Variants in HTT observed in about 807,000 individuals in gnomAD.
HTT encodes the protein huntington disease protein.
Under a neutral mutation model 362.3 loss-of-function variants are expected in HTT, and 104 were observed. The observed-to-expected ratio is 0.29, with a 90% CI of 0.24 to 0.34. HTT has a LOEUF of 0.34. Ranked by LOEUF, HTT falls within the 10% of genes least tolerant of loss-of-function variation. The probability of loss-of-function intolerance (pLI) is 1.00; values close to 1 mark genes in which losing one functional copy is unlikely to be tolerated. For synonymous variants in HTT, 1,577 were observed against 1,548.7 expected (o/e 1.02, Z -0.43); for missense variants, 3,301 against 3,928.6 (o/e 0.84, Z 4.27).
Position 3,212,581 on chromosome 4 carries a change from C to A in HTT, c.6646C>A (p.Gln2216Lys). The change falls in exon 49 of 67, where the codon CAG (glutamine) becomes AAG (lysine). Residue 2216 changes from glutamine to lysine, a missense_variant. Gln to Lys is a moderately conservative substitution (Grantham distance 53). Transcript: ENST00000355072. The part of the protein sequence containing the change: ...NDLFGDAALY[Q>K]SLPTLARALA... ...TGTTTCAGGGGATGCTGCACTGTAT[C>A]AGTCCCTGCCCACTCTGGCCCGGGC... is the stretch of plus-strand genomic sequence containing the variant. 1 of 1,614,242 alleles carries A rather than the reference C, an allele frequency of 6.2e-7. No individual in the cohort carries two copies. The highest frequency in any genetic ancestry group is 8.5e-7 in the Non-Finnish European group (1 of 1,180,042).
intron 33 of HTT, among the ~76,000 whole-genome samples, chr4:3,176,032 T>G (rs987479090): frequency 1.4e-5 from 2 of 147,504 alleles, no homozygotes; most frequent in African/African-American, 5.3e-5. Flanking sequence ...TTTGTTTTTT[T>G]TTGTTTTTTT....
chr4:3,148,911 T>A (rs1011629110), intron 26 of HTT, among the ~76,000 whole-genome samples: 4 of 151,898 alleles, frequency 2.6e-5, no homozygotes, highest in Non-Finnish European at 1.5e-5. Flanking sequence ...AAGCCTTGAT[T>A]GTGCCGCTGC....
At chr4:3,227,273 G>T (rs375605275) in intron 57 of HTT, among the ~76,000 whole-genome samples, 11 of 142,730 alleles carry the variant, frequency 7.7e-5, no homozygotes, top group Non-Finnish European at 1.4e-4. Flanking sequence ...GGGGCTGAAG[G>T]ACAGTGCCAC....
chr4:3,142,922 TA>T, intron 23 of HTT, 36 bp downstream of exon 23: 1 of 1,593,760 alleles, frequency 6.3e-7, no homozygotes, highest in Non-Finnish European at 8.6e-7. Flanking sequence ...ACTGACATTG[TA>T]ATAGTTTTTG....
chr4:3,116,445 G>A (rs908760145), intron 8 of HTT, among the ~76,000 whole-genome samples, 182 bp downstream of exon 8: 4 of 152,134 alleles, frequency 2.6e-5, no homozygotes, highest in Admixed American at 2.0e-4. Flanking sequence ...CCCTGTCACC[G>A]TGAGTCAAAT....
At chr4:3,113,775 T>C (rs571048051) in intron 6 of HTT, among the ~76,000 whole-genome samples, 2 of 151,416 alleles carry the variant, frequency 1.3e-5, no homozygotes, top group East Asian at 1.9e-4. Context: ...GGGGGTGGGG[T>C]AGTCCTGTGG....
intron 26 of HTT, among the ~76,000 whole-genome samples, chr4:3,152,532 CTT>C (rs1290917765): frequency 6.6e-6 from 1 of 152,180 alleles, no homozygotes; most frequent in East Asian, 1.9e-4. Flanking sequence ...ACTCTGTACT[CTT>C]TACCCAAAAC....
At chr4:3,166,655 C>T (rs1717722794) in intron 29 of HTT, among the ~76,000 whole-genome samples, 1 of 152,250 alleles carries the variant, frequency 6.6e-6, no homozygotes, top group Non-Finnish European at 1.5e-5. Flanking sequence ...GTGGACACCC[C>T]TCCCCCAGCC....
chr4:3,171,048 T>TA (rs1262470087), intron 29 of HTT, among the ~76,000 whole-genome samples: 2 of 152,252 alleles, frequency 1.3e-5, no homozygotes, highest in African/African-American at 2.4e-5. Flanking sequence ...ACACATTTGT[T>TA]AAAGTCCTTT....
chr4:3,194,300 CAAAGT>C (rs1169246267), intron 40 of HTT, among the ~76,000 whole-genome samples: 2 of 152,132 alleles, frequency 1.3e-5, no homozygotes, highest in Non-Finnish European at 2.9e-5. Flanking sequence ...GTATTCATCC[CAAAGT>C]GGTTTGCCTA....
intron 60 of HTT, among the ~76,000 whole-genome samples, chr4:3,230,264 C>T (rs998264008): frequency 6.6e-6 from 1 of 152,188 alleles, no homozygotes; most frequent in Non-Finnish European, 1.5e-5. Context: ...TTGTGGCGGC[C>T]AAGCCATGGT....
In HTT at chr4:3,180,574, G is replaced by A; in HGVS notation, c.4672G>A (p.Ala1558Thr). ...CTTTGTATTAAGAGGAACAAATAAAGCTGATGCAGGAAAAGAGCTTGAAAC... is the reference window on the plus strand; with the variant it reads ...CTTTGTATTAAGAGGAACAAATAAAACTGATGCAGGAAAAGAGCTTGAAAC... Reference protein sequence around the residue: ...DLFVLRGTNKADAGKELETQK... With the variant: ...DLFVLRGTNKTDAGKELETQK... The change falls in exon 36 of 67, where the codon GCT becomes ACT. Residue 1558 changes from alanine to threonine, a missense_variant. Physicochemically the swap from Ala to Thr is moderately conservative, Grantham distance 58. Transcript: ENST00000355072. 6.2e-7 allele frequency: 1 copy of A among 1,613,480 alleles called. No individual in the cohort carries two copies. Among genetic ancestry groups the A allele is most frequent in the Non-Finnish European group, 8.5e-7 (1 of 1,179,810 alleles).
At chr4:3,238,214 CA>C (rs1721632086) in intron 64 of HTT, among the ~76,000 whole-genome samples, 1 of 152,224 alleles carries the variant, frequency 6.6e-6, no homozygotes, top group African/African-American at 2.4e-5. Context: ...AGCCTGCCTC[CA>C]CGAGCTAGAC....
intron 29 of HTT, among the ~76,000 whole-genome samples, chr4:3,171,941 T>C (rs1423071786): frequency 6.6e-6 from 1 of 152,222 alleles, no homozygotes; most frequent in Non-Finnish European, 1.5e-5. Flanking sequence ...CATTGCTGTA[T>C]CATAGTTGTG....
chr4:3,158,798 A>T (rs2110216362), intron 28 of HTT, among the ~76,000 whole-genome samples: 1 of 152,144 alleles, frequency 6.6e-6, no homozygotes. Flanking sequence ...AAAGCAGAAG[A>T]CGGCATGTTG....
At chr4:3,075,247 T>G (rs1233907689) in intron 1 of HTT, among the ~76,000 whole-genome samples, 159 bp downstream of exon 1, 1 of 152,068 alleles carries the variant, frequency 6.6e-6, no homozygotes, top group Non-Finnish European at 1.5e-5. Context: ...ACCCGCCCCC[T>G]CCTGGGGCGA....
In HTT at chr4:3,211,832, A is replaced by G. The variant is rs577548429; in HGVS notation, c.6415-97A>G. 8 of 867,630 alleles carry G rather than the reference A, an allele frequency of 9.2e-6. No individual in the cohort carries two copies. In the African/African-American group the frequency reaches 1.3e-4, roughly 14 times the overall value. The allele number at this position is 867,630 out of a possible 1,614,324, so 53.7% of individuals were successfully genotyped here. ...TACCAATTTGTATTTTCTCAGAAACATTTGCCTTATTCTTTTTTCTGTTGT... is the reference window on the plus strand; with the variant it reads ...TACCAATTTGTATTTTCTCAGAAACGTTTGCCTTATTCTTTTTTCTGTTGT... On this transcript the variant is annotated intron_variant, in intron 47 of 66. Coordinates refer to ENST00000355072, the MANE Select transcript of HTT (RefSeq NM_001388492.1).
intron 47 of HTT, among the ~76,000 whole-genome samples, chr4:3,210,349 T>G (rs1191777155): frequency 6.6e-6 from 1 of 152,210 alleles, no homozygotes; most frequent in African/African-American, 2.4e-5. Flanking sequence ...AAGTCAAGGT[T>G]GCGTATTTGC....
chr4:3,152,160 G>A (rs916729044), intron 26 of HTT, among the ~76,000 whole-genome samples: 1 of 150,950 alleles, frequency 6.6e-6, no homozygotes, highest in African/African-American at 2.4e-5. Context: ...GTGGGTTGGC[G>A]CGATCTCAGC....
Sources: gnomAD v4.1 joint callset for allele counts (sites outside exome capture counted in the v4.1 genomes callset) on GRCh38, gnomAD v4.1.1 for gene constraint, MANE v1.5 for transcripts, NCBI Gene and HGNC (gene_info 2026-07-23, HGNC 2026-07-21) for gene names.